MYO6: variants seen among roughly 807,000 people sequenced by gnomAD.
The protein encoded by MYO6 is myosin VI, also known as unconventional myosin-VI.
MYO6 carries 74 observed loss-of-function variants against 178.7 expected under a neutral mutation model. The observed-to-expected ratio is 0.41, with a 90% CI of 0.34 to 0.50. MYO6 has a LOEUF of 0.50. Among genes scored for constraint, MYO6 ranks in the 20% least tolerant of loss-of-function variants. The pLI, the probability that MYO6 is intolerant of heterozygous loss-of-function variation, is 0.09. For missense variants in MYO6, 1,330 were observed against 1,547.4 expected (o/e 0.86, Z 2.36); for synonymous variants, 477 against 504.6 (o/e 0.95, Z 0.73).
At chr6:75,763,116 G>T (rs761611136) in intron 1 of MYO6, among the ~76,000 whole-genome samples, 2 of 149,446 alleles carry the variant, frequency 1.3e-5, no homozygotes, top group South Asian at 4.2e-4. Context: ...AACCTCCACC[G>T]TCCGAGATCA....
intron 1 of MYO6, among the ~76,000 whole-genome samples, chr6:75,790,248 C>G (rs1377046015): frequency 6.6e-6 from 1 of 152,090 alleles, no homozygotes; most frequent in African/African-American, 2.4e-5. Flanking sequence ...AGTCATGTTG[C>G]TTTTCAAAAC....
rs1780431600 is a variant in MYO6 at position 75,907,640 on chromosome 6, G to A, written c.3212G>A (p.Gly1071Asp). 1.9e-6 allele frequency: 3 copies of A among 1,613,710 alleles called. No individual in the cohort carries two copies. The highest frequency in any genetic ancestry group is 2.5e-6 in the Non-Finnish European group (3 of 1,179,884). Reference sequence around the variant, plus strand: ...GTACTAGCCACCAAAGCAGCTGCTGGTACTAAGAAATATGATCTTAGTAAA... The same window carrying A: ...GTACTAGCCACCAAAGCAGCTGCTGATACTAAGAAATATGATCTTAGTAAA... ...PAVLATKAAA[G>D]TKKYDLSKWK... is the part of the protein sequence containing the mutation. Residue 1071 changes from glycine to aspartate, a missense_variant, in exon 31 of 35, where the codon GGT becomes GAT. By Grantham distance (94) the Gly-to-Asp change is moderately conservative. Coordinates refer to ENST00000369977, the MANE Select transcript of MYO6 (RefSeq NM_004999.4).
chr6:75,860,371 A>G (rs1325965597), intron 14 of MYO6, among the ~76,000 whole-genome samples: 1 of 152,214 alleles, frequency 6.6e-6, no homozygotes, highest in Admixed American at 6.5e-5. Context: ...TTCTATTACC[A>G]TGTGAAGTTT....
intron 1 of MYO6, among the ~76,000 whole-genome samples, chr6:75,753,004 T>C (rs1777028784): frequency 1.3e-5 from 2 of 152,290 alleles, no homozygotes; most frequent in East Asian, 3.9e-4. Context: ...CGTTTTTAGA[T>C]TATGATTAAA....
rs531303057 is a variant in MYO6, at chr6:75,898,728, A to G, written c.3176+317A>G. ...CAGTAGGGGACTTCTTCCCCTCATC[A>G]TGACAAAATGAGTATTTTGCAACTC... On this transcript the variant is annotated intron_variant, in intron 30 of 34. Transcript: ENST00000369977. 2.2e-4 allele frequency among the ~76,000 whole-genome samples: 33 copies of G among 152,238 alleles called. 1 individual carries two copies. The South Asian group carries it at 6.8e-3, about 32-fold the overall frequency.
chr6:75,889,325 A>AT (rs1370756286), intron 25 of MYO6, among the ~76,000 whole-genome samples: 2 of 152,208 alleles, frequency 1.3e-5, no homozygotes, highest in Non-Finnish European at 2.9e-5. Context: ...ATATTTTGTA[A>AT]TTTTTAAAAT....
intron 30 of MYO6, among the ~76,000 whole-genome samples, chr6:75,906,511 A>T (rs1378296447): frequency 6.6e-6 from 1 of 152,006 alleles, no homozygotes; most frequent in Non-Finnish European, 1.5e-5. Flanking sequence ...CCCCATCTCT[A>T]CAAAAATTAT....
chr6:75,756,900 TATATATATATACAC>T (rs968691972), intron 1 of MYO6, among the ~76,000 whole-genome samples: 5 of 92,912 alleles, frequency 5.4e-5, no homozygotes, highest in African/African-American at 1.4e-4. Context: ...TGTGTATATA[TATATATATATACAC>T]ATATATATAC....
intron 31 of MYO6, among the ~76,000 whole-genome samples, chr6:75,908,273 A>G (rs1780493893): frequency 6.6e-6 from 1 of 152,160 alleles, no homozygotes; most frequent in Admixed American, 6.5e-5. Flanking sequence ...TCTTCTGTGG[A>G]GCAGATGATA....
intron 3 of MYO6, among the ~76,000 whole-genome samples, chr6:75,825,263 C>T (rs1350786711): frequency 2.0e-5 from 3 of 152,082 alleles, no homozygotes; most frequent in Non-Finnish European, 4.4e-5. Context: ...GAATTATTGT[C>T]TATTAGATGT....
chr6:75,903,838 T>G (rs1780031610), intron 30 of MYO6, among the ~76,000 whole-genome samples: 1 of 152,036 alleles, frequency 6.6e-6, no homozygotes, highest in Non-Finnish European at 1.5e-5. Context: ...GTCTTTACAT[T>G]TTGGCATGAT....
At chr6:75,849,065 A>G (rs1216781389) in intron 11 of MYO6, among the ~76,000 whole-genome samples, 2 of 152,226 alleles carry the variant, frequency 1.3e-5, no homozygotes, top group Non-Finnish European at 2.9e-5. Context: ...CAGTCTGTAC[A>G]TGAACAGTAG....
At chr6:75,799,565 A>T (rs1462587245) in intron 1 of MYO6, among the ~76,000 whole-genome samples, 2 of 152,200 alleles carry the variant, frequency 1.3e-5, no homozygotes, top group Non-Finnish European at 2.9e-5. Flanking sequence ...TCAATAAGGC[A>T]AGCAAATATA....
intron 1 of MYO6, among the ~76,000 whole-genome samples, chr6:75,798,726 T>A (rs771418553): frequency 4.0e-5 from 6 of 151,882 alleles, no homozygotes; most frequent in Non-Finnish European, 7.4e-5. Context: ...GAATGCTTAC[T>A]CACACCACTC....
At chr6:75,791,639 T>C (rs1271434090) in intron 1 of MYO6, among the ~76,000 whole-genome samples, 4 of 152,242 alleles carry the variant, frequency 2.6e-5, no homozygotes, top group African/African-American at 9.6e-5. Context: ...TTTCAACTGA[T>C]GTTAAGAATG....
intron 18 of MYO6, 68 bp from the exon 19 acceptor site, chr6:75,870,578 TA>T: frequency 8.3e-7 from 1 of 1,209,328 alleles, no homozygotes; most frequent in Non-Finnish European, 1.2e-6. Context: ...ACTGGAGAGC[TA>T]ATATTAACTC....
At chr6:75,882,239 C>T (rs1778096519) in intron 23 of MYO6, among the ~76,000 whole-genome samples, 1 of 152,170 alleles carries the variant, frequency 6.6e-6, no homozygotes, top group African/African-American at 2.4e-5. Flanking sequence ...CCTGTTGATT[C>T]CTTCTCCAAA....
rs571794477 is a variant in MYO6 at position 75,840,228 on chromosome 6, C to G, written c.554-357C>G. Among the ~76,000 whole-genome samples, 30 of 150,782 alleles carry G rather than the reference C, an allele frequency of 2.0e-4. No homozygotes were observed. The South Asian group carries it at 6.1e-3, about 31-fold the overall frequency. ...CCAGGCTGGAGTGTAATGGTGCGACCTCGGCTCATCGCAACCTCCGCCTCC... is the reference window on the plus strand; with the variant it reads ...CCAGGCTGGAGTGTAATGGTGCGACGTCGGCTCATCGCAACCTCCGCCTCC... On this transcript the variant is annotated intron_variant, in intron 7 of 34. Coordinates refer to ENST00000369977, the MANE Select transcript of MYO6 (RefSeq NM_004999.4).
chr6:75,860,142 G>A (rs1404778742), intron 14 of MYO6, among the ~76,000 whole-genome samples: 3 of 152,022 alleles, frequency 2.0e-5, no homozygotes. Flanking sequence ...ACTTTATCTG[G>A]GCTGAAATGT....
Sources: gnomAD v4.1 joint callset for allele counts (sites outside exome capture counted in the v4.1 genomes callset) on GRCh38, gnomAD v4.1.1 for gene constraint, MANE v1.5 for transcripts, NCBI Gene and HGNC (gene_info 2026-07-23, HGNC 2026-07-21) for gene names.